Variants in JPH3 observed in about 807,000 individuals in gnomAD.
JPH3 encodes the protein junctophilin-3.
A neutral mutation model predicts 59.6 loss-of-function variants in JPH3; 11 were observed. The ratio of observed to expected loss-of-function variants is 0.18; its 90% confidence interval spans 0.12 to 0.31. The LOEUF (loss-of-function observed/expected upper bound fraction) is 0.31, where lower values mean the gene tolerates loss of function less well. Among genes scored for constraint, JPH3 ranks in the 10% least tolerant of loss-of-function variants. JPH3 has a pLI of 1.00. For synonymous variants in JPH3, 673 were observed against 483.6 expected, an observed-to-expected ratio of 1.39 and a Z score of -5.14; for missense variants, 1,202 against 1,105.7, an observed-to-expected ratio of 1.09 and a Z score of -1.24.
At chr16:87,604,419 C>A (rs548430967) in intron 1 of JPH3, 2 of 1,402,886 alleles carry the variant, frequency 1.4e-6, no homozygotes, top group Admixed American at 2.2e-5. Flanking sequence ...GTGCACCTGA[C>A]ACGCATGGAG....
intron 1 of JPH3, among the ~76,000 whole-genome samples, chr16:87,629,628 C>G (rs1291546168): frequency 7.7e-6 from 1 of 130,278 alleles, no homozygotes; most frequent in African/African-American, 2.9e-5. Context: ...AGATGGCGTT[C>G]TGGAAGAGGT....
At chr16:87,626,543 G>A (rs535717911) in intron 1 of JPH3, among the ~76,000 whole-genome samples, 1 of 152,328 alleles carries the variant, frequency 6.6e-6, no homozygotes, top group African/African-American at 2.4e-5. Flanking sequence ...CGAGGTGCCG[G>A]CTCATAGCTA....
chr16:87,668,251 A>C (rs2032925996), intron 2 of JPH3, among the ~76,000 whole-genome samples: 1 of 152,148 alleles, frequency 6.6e-6, no homozygotes, highest in Admixed American at 6.6e-5. Flanking sequence ...CGGAGCCGGC[A>C]CATGCGTCTG....
rs571812527 is a variant in JPH3 at position 87,636,051 on chromosome 16, G to A, written c.383-8207G>A. Among the ~76,000 whole-genome samples the A allele has an allele frequency of 2.6e-4, 39 of 152,380 alleles. No individual in the cohort carries two copies. In the South Asian group the frequency reaches 3.1e-3, roughly 12 times the overall value. ...CCAGACCCTCGCGGCGGCCCACAGA[G>A]ATGGGCAGCTTGCGGGGCAGCTTTG... is the stretch of plus-strand genomic sequence containing the variant. On this transcript the variant is annotated intron_variant, in intron 1 of 4. Transcript: ENST00000284262.
At chr16:87,604,866 C>A (rs117906689) in intron 1 of JPH3, 1 of 397,866 alleles carries the variant, frequency 2.5e-6, no homozygotes, top group African/African-American at 2.1e-5. Flanking sequence ...TCTCAGGCGG[C>A]CTTTTCTGTG....
At chr16:87,665,058 A>G (rs962956418) in intron 2 of JPH3, among the ~76,000 whole-genome samples, 5 of 152,240 alleles carry the variant, frequency 3.3e-5, no homozygotes, top group Non-Finnish European at 7.3e-5. Context: ...ACGGATAAAC[A>G]GGAACCATCC....
At position 87,684,279 on chromosome 16, in the gene JPH3, G is replaced by A. The variant is rs756457110; in HGVS notation, c.1285+13G>A. The stretch of plus-strand genomic sequence containing the variant: ...CACCGGGAAAACGGTGAGTCTCGCC[G>A]GGCCTGATACTGGCATCGTGGGGAG... On this transcript the variant is annotated intron_variant, in intron 3 of 4. Transcript: ENST00000284262. The A allele has an allele frequency of 2.7e-5, 44 of 1,613,322 alleles. No homozygotes were observed. The Admixed American group carries it at 4.0e-4, about 15-fold the overall frequency.
chr16:87,610,471 G>A (rs144221450), intron 1 of JPH3, among the ~76,000 whole-genome samples: 23 of 152,316 alleles, frequency 1.5e-4, no homozygotes, highest in Non-Finnish European at 1.2e-4. Context: ...GACTAAAATG[G>A]TGCTGGCACG....
intron 1 of JPH3, among the ~76,000 whole-genome samples, chr16:87,609,058 C>G (rs1262391650): frequency 1.3e-5 from 2 of 152,180 alleles, no homozygotes; most frequent in Admixed American, 1.3e-4. Context: ...AGAAGTGTGC[C>G]TGGTCCTACT....
chr16:87,615,838 G>A (rs993319564), intron 1 of JPH3, among the ~76,000 whole-genome samples: 2 of 152,176 alleles, frequency 1.3e-5, no homozygotes, highest in African/African-American at 4.8e-5. Flanking sequence ...GGAAGAGACC[G>A]GGTCTGTTGG....
Position 87,659,381 on chromosome 16 carries a change from AAAAAAG to A in JPH3, c.1160+14352_1160+14357del, listed in dbSNP as rs1233116517. On this transcript the variant is annotated intron_variant, in intron 2 of 4. Transcript: ENST00000284262. The stretch of plus-strand genomic sequence containing the variant: ...GACAGAGTAAGACTGTCTCAAAAAA[AAAAAAG>A]AAAAAAAAAAAGAAAACTACACACA... Among the ~76,000 whole-genome samples the A allele has an allele frequency of 3.0e-4, 40 of 132,150 alleles. 2 individuals are homozygous for A. The highest frequency in any genetic ancestry group is 7.1e-4 in the African/African-American group (26 of 36,396). The allele number at this position is 132,150 out of a possible 152,430, so 86.7% of individuals were successfully genotyped here. A position where few individuals can be genotyped will look rare whatever the true frequency, so the allele number is the denominator to read the frequency against.
At chr16:87,639,014 C>T (rs2031850386) in intron 1 of JPH3, among the ~76,000 whole-genome samples, 1 of 152,172 alleles carries the variant, frequency 6.6e-6, no homozygotes, top group Non-Finnish European at 1.5e-5. Flanking sequence ...AGGTGACAGC[C>T]CTGGGTTCTA....
At chr16:87,609,274 T>G (rs1199302202) in intron 1 of JPH3, among the ~76,000 whole-genome samples, 1 of 152,176 alleles carries the variant, frequency 6.6e-6, no homozygotes, top group African/African-American at 2.4e-5. Context: ...ATTTATTTAT[T>G]TATCTGTTTT....
At chr16:87,649,612 G>A (rs1299441101) in intron 2 of JPH3, among the ~76,000 whole-genome samples, 1 of 152,170 alleles carries the variant, frequency 6.6e-6, no homozygotes, top group Non-Finnish European at 1.5e-5. Flanking sequence ...GAGACCCTCT[G>A]CCACAACAAC....
At chr16:87,657,775 C>T (rs2032554967) in intron 2 of JPH3, among the ~76,000 whole-genome samples, 1 of 151,902 alleles carries the variant, frequency 6.6e-6, no homozygotes, top group African/African-American at 2.4e-5. Context: ...GGGAGTTGCC[C>T]CGAGGACTGT....
At chr16:87,618,640 C>T (rs934681447) in intron 1 of JPH3, among the ~76,000 whole-genome samples, 6 of 152,202 alleles carry the variant, frequency 3.9e-5, no homozygotes, top group Non-Finnish European at 7.3e-5. Flanking sequence ...GGTGTTTCTG[C>T]GTCCTCATCC....
intron 2 of JPH3, among the ~76,000 whole-genome samples, chr16:87,683,233 C>T (rs994353386): frequency 6.6e-6 from 1 of 152,148 alleles, no homozygotes; most frequent in African/African-American, 2.4e-5. Flanking sequence ...CCGGCACCGC[C>T]GGGGTGGGTT....
In JPH3 at chr16:87,644,646, C is replaced by T; in HGVS notation, c.771C>T (p.Ala257=). 1.9e-6 allele frequency: 3 copies of T among 1,611,880 alleles called. No individual in the cohort carries two copies. Among genetic ancestry groups the T allele is most frequent in the African/African-American group, 1.3e-5 (1 of 75,062 alleles). ...GCATGAGCACCGTCAGCTCCACGGCCAGCGACATCCACTCCACCATCAGCC... is the reference window on the plus strand; with the variant it reads ...GCATGAGCACCGTCAGCTCCACGGCTAGCGACATCCACTCCACCATCAGCC... ...EAGMSTVSST[A]SDIHSTISLG... The change falls in exon 2 of 5, where the codon GCC becomes GCT. Residue 257 remains alanine, a synonymous_variant. Coordinates refer to ENST00000284262, the MANE Select transcript of JPH3 (RefSeq NM_020655.4).
At chr16:87,619,204 G>A (rs1220118986) in intron 1 of JPH3, among the ~76,000 whole-genome samples, 1 of 151,748 alleles carries the variant, frequency 6.6e-6, no homozygotes, top group Non-Finnish European at 1.5e-5. Flanking sequence ...TCCCAGCTAT[G>A]AGGAAGGCTG....
Sources: gnomAD v4.1 joint callset for allele counts (sites outside exome capture counted in the v4.1 genomes callset) on GRCh38, gnomAD v4.1.1 for gene constraint, MANE v1.5 for transcripts, NCBI Gene and HGNC (gene_info 2026-07-23, HGNC 2026-07-21) for gene names.